Variants in HIP1 observed in about 807,000 individuals in gnomAD.
The protein encoded by HIP1 is huntingtin interacting protein 1, also known as huntingtin-interacting protein 1.
A neutral mutation model predicts 147.6 loss-of-function variants in HIP1; 65 were observed. The observed-to-expected ratio is 0.44, with a 90% CI of 0.36 to 0.54. The LOEUF (loss-of-function observed/expected upper bound fraction) is 0.54, where lower values mean the gene tolerates loss of function less well. Ranked by LOEUF, HIP1 falls within the 20% of genes least tolerant of loss-of-function variation. The pLI is 0.00. For missense variants in HIP1, 1,061 were observed against 1,299.6 expected, an observed-to-expected ratio of 0.82 and a Z score of 2.82; for synonymous variants, 479 against 504.0, an observed-to-expected ratio of 0.95 and a Z score of 0.67.
chr7:75,559,894 G>T lies in HIP1; in HGVS notation c.1213C>A (p.Leu405Met). The change falls in exon 14 of 31, where the codon CTG (leucine) becomes ATG (methionine). Residue 405 changes from leucine (L) to methionine (M), a missense_variant. By Grantham distance (15) the Leu-to-Met change is conservative (BLOSUM62 2). Around this residue, in one of 3 missense-constraint regions of HIP1, gnomAD observed 810 missense variants for 946.8 expected, o/e 0.86. Transcript: ENST00000336926. ...KTESQRVVLQ[L>M]KGHVSELEAD... ...TCCAGCTCGCTGACGTGGCCCTTCA[G>T]CTGCAGCACAACCCGCTGGCTCTGT... 6.2e-7 allele frequency: 1 copy of T among 1,608,068 alleles called. No individual in the cohort carries two copies.
intron 4 of HIP1, among the ~76,000 whole-genome samples, chr7:75,591,269 G>A (rs1796492404): frequency 6.6e-6 from 1 of 152,108 alleles, no homozygotes; most frequent in Admixed American, 6.6e-5. Flanking sequence ...CTGGCCTCAG[G>A]TGATCTGCTT....
chr7:75,640,760 ATAATAAT>A (rs1563264093), intron 1 of HIP1, among the ~76,000 whole-genome samples: 4 of 104,518 alleles, frequency 3.8e-5, no homozygotes, highest in African/African-American at 1.8e-4. Context: ...CTCAATAATA[ATAATAAT>A]AATAATAATA....
chr7:75,660,121 T>C (rs1799265551), intron 1 of HIP1, among the ~76,000 whole-genome samples: 1 of 148,362 alleles, frequency 6.7e-6, no homozygotes, highest in African/African-American at 2.5e-5. Context: ...CAAGACTCCG[T>C]CTCAAAAAAC....
chr7:75,542,706 G>C lies in HIP1; in HGVS notation c.2890+145C>G, dbSNP rs1045958148. The C allele has an allele frequency of 9.9e-5, 83 of 840,058 alleles. 1 individual carries two copies. The highest frequency in any genetic ancestry group is 3.5e-6 in the Non-Finnish European group (2 of 567,722). The allele number at this position is 840,058 out of a possible 1,614,324, so 52.0% of individuals were successfully genotyped here. ...AGAGTGAGACCCTGTCTCAAAAACAGAAATAAAGAAAAAATAAAATAAAAA... is the reference window on the plus strand; with the variant it reads ...AGAGTGAGACCCTGTCTCAAAAACACAAATAAAGAAAAAATAAAATAAAAA... On this transcript the variant is annotated intron_variant, in intron 28 of 30. Coordinates refer to ENST00000336926, the MANE Select transcript of HIP1 (RefSeq NM_005338.7).
At chr7:75,611,755 C>G (rs1797445527) in intron 1 of HIP1, 1 of 1,037,274 alleles carries the variant, frequency 9.6e-7, no homozygotes, top group African/African-American at 1.7e-5. Context: ...TAAGACCAAG[C>G]CGTGTCTCCC....
At chr7:75,617,378 C>T (rs893385461) in intron 1 of HIP1, among the ~76,000 whole-genome samples, 8 of 151,922 alleles carry the variant, frequency 5.3e-5, no homozygotes, top group Non-Finnish European at 1.2e-4. Flanking sequence ...CGCACCCAGC[C>T]ACTAATTTTT....
At chr7:75,678,368 G>C (rs1799962395) in intron 1 of HIP1, among the ~76,000 whole-genome samples, 1 of 116,016 alleles carries the variant, frequency 8.6e-6, no homozygotes, top group African/African-American at 3.4e-5. Flanking sequence ...TTTTGAGACA[G>C]CATCTCACTC....
At chr7:75,643,036 G>T (rs993776754) in intron 1 of HIP1, among the ~76,000 whole-genome samples, 3 of 152,218 alleles carry the variant, frequency 2.0e-5, no homozygotes, top group Non-Finnish European at 2.9e-5. Context: ...AATTCGTACA[G>T]AAGGTGAGGT....
intron 1 of HIP1, among the ~76,000 whole-genome samples, chr7:75,736,417 T>A (rs1380888750): frequency 2.6e-5 from 4 of 151,630 alleles, no homozygotes; most frequent in African/African-American, 9.7e-5. Flanking sequence ...TTATTTCATT[T>A]ATTAAAAAAA....
rs1554498740 is a variant in HIP1, at chr7:75,582,164, C to T, written c.466-13G>A. The T allele has an allele frequency of 6.2e-7, 1 of 1,609,666 alleles. No homozygotes were observed. The highest frequency in any genetic ancestry group is 2.2e-5 in the East Asian group (1 of 44,822). Reference sequence around the variant, plus strand: ...GGAACCTGGGATTCTGGAAGGGAGGCAGAGGAAGGGAGTCAGGGCAGAAGA... The same window carrying T: ...GGAACCTGGGATTCTGGAAGGGAGGTAGAGGAAGGGAGTCAGGGCAGAAGA... On this transcript the variant is annotated splice_polypyrimidine_tract_variant and intron_variant, in intron 5 of 30. Coordinates refer to ENST00000336926, the MANE Select transcript of HIP1 (RefSeq NM_005338.7).
intron 1 of HIP1, among the ~76,000 whole-genome samples, chr7:75,619,700 C>T (rs1243305155): frequency 2.0e-5 from 3 of 152,060 alleles, no homozygotes; most frequent in Non-Finnish European, 4.4e-5. Flanking sequence ...GATTATTATT[C>T]ATTTCACAGA....
intron 7 of HIP1, among the ~76,000 whole-genome samples, chr7:75,576,078 G>A (rs949089664): frequency 2.6e-5 from 4 of 152,132 alleles, no homozygotes; most frequent in Admixed American, 6.6e-5. Flanking sequence ...GCCTGGCCCC[G>A]ATTCCTGATA....
chr7:75,714,082 T>C (rs1801243129), intron 1 of HIP1, among the ~76,000 whole-genome samples: 1 of 149,422 alleles, frequency 6.7e-6, no homozygotes, highest in East Asian at 2.1e-4. Flanking sequence ...CTCTTTCATC[T>C]AGGCTGGAGT....
At chr7:75,581,393 A>G in intron 6 of HIP1, 95 bp from the exon 7 acceptor site, 2 of 866,638 alleles carry the variant, frequency 2.3e-6, no homozygotes, top group Non-Finnish European at 3.8e-6. Context: ...CCAGTCTCCA[A>G]TGCTCATGTG....
intron 19 of HIP1, 102 bp from the exon 20 acceptor site, chr7:75,554,628 T>C: frequency 1.3e-6 from 1 of 784,714 alleles, no homozygotes; most frequent in East Asian, 2.5e-5. Flanking sequence ...GTGGGTAAGC[T>C]TCCTGCCTAG....
Position 75,535,704 on chromosome 7 carries a change from C to G in HIP1, c.*2468G>C, listed in dbSNP as rs1584761900. 1 of 177,024 alleles carries G rather than the reference C, an allele frequency of 5.6e-6. No individual in the cohort carries two copies. The highest frequency in any genetic ancestry group is 9.6e-5 in the East Asian group (1 of 10,466). 11.0% of individuals were successfully genotyped at this position (177,024 alleles called of 1,614,324 possible). A position where few individuals can be genotyped will look rare whatever the true frequency, so the allele number is the denominator to read the frequency against. ...GATCCATTACACTAGACTGTTTGCC[C>G]CATTTGTAATTTTTTTTTTTTTTTG... On this transcript the variant is annotated 3_prime_UTR_variant, in exon 31 of 31. Coordinates refer to ENST00000336926, the MANE Select transcript of HIP1 (RefSeq NM_005338.7).
intron 1 of HIP1, among the ~76,000 whole-genome samples, chr7:75,621,603 A>T (rs1797850223): frequency 6.6e-6 from 1 of 152,154 alleles, no homozygotes; most frequent in East Asian, 1.9e-4. Flanking sequence ...ATTCAATAGG[A>T]TCCCTCTGGC....
chr7:75,599,286 T>C (rs782724958), intron 1 of HIP1, 39 bp from the exon 2 acceptor site: 6 of 1,495,784 alleles, frequency 4.0e-6, no homozygotes, highest in South Asian at 1.1e-5. Context: ...GAGGATGAGA[T>C]GAATAAGCCT....
chr7:75,603,759 G>T (rs1490073406), intron 1 of HIP1, among the ~76,000 whole-genome samples: 1 of 151,924 alleles, frequency 6.6e-6, no homozygotes, highest in Non-Finnish European at 1.5e-5. Context: ...TGTAGTCCCA[G>T]CTACTAGGGA....
Sources: gnomAD v4.1 joint callset for allele counts (sites outside exome capture counted in the v4.1 genomes callset) on GRCh38, gnomAD v4.1.1 for gene constraint, gnomAD v4.1.1 regional missense constraint, MANE v1.5 for transcripts, NCBI Gene and HGNC (gene_info 2026-07-23, HGNC 2026-07-21) for gene names.